The following RTN4RL1 variants were observed in gnomAD, a reference collection of about 807,000 sequenced individuals.
RTN4RL1 encodes the protein reticulon-4 receptor-like 1.
RTN4RL1 carries 7 observed loss-of-function variants against 25.6 expected under a neutral mutation model. The ratio of observed to expected loss-of-function variants is 0.27; its 90% CI spans 0.16 to 0.51. The LOEUF is 0.51. RTN4RL1 is among the 20% of genes least tolerant of loss of function. RTN4RL1 has a pLI of 0.97. For missense variants in RTN4RL1, 500 were observed against 615.6 expected, an observed-to-expected ratio of 0.81 and a Z score of 1.99; for synonymous variants, 297 against 288.2, an observed-to-expected ratio of 1.03 and a Z score of -0.31.
intron 1 of RTN4RL1, among the ~76,000 whole-genome samples, chr17:2,007,579 A>G (rs931104370): frequency 3.3e-5 from 5 of 152,116 alleles, no homozygotes; most frequent in African/African-American, 7.2e-5. Flanking sequence ...TGGCTGTGGC[A>G]TGGTCTCTAA....
At chr17:1,980,202 T>C (rs2066861298) in intron 1 of RTN4RL1, among the ~76,000 whole-genome samples, 1 of 147,038 alleles carries the variant, frequency 6.8e-6, no homozygotes, top group South Asian at 2.1e-4. Flanking sequence ...TAGCTGGGAC[T>C]ACAAGCTCGT....
chr17:2,010,414 T>C (rs911206425), intron 1 of RTN4RL1, among the ~76,000 whole-genome samples: 4 of 152,232 alleles, frequency 2.6e-5, no homozygotes, highest in East Asian at 3.9e-4. Context: ...GAGACGGAGA[T>C]TGCAGTGAGC....
At chr17:1,983,555 C>T (rs191866894) in intron 1 of RTN4RL1, among the ~76,000 whole-genome samples, 4 of 152,126 alleles carry the variant, frequency 2.6e-5, no homozygotes, top group South Asian at 2.1e-4. Context: ...CACAGCACCA[C>T]GCCTGGCTAA....
intron 1 of RTN4RL1, among the ~76,000 whole-genome samples, chr17:2,010,340 G>A (rs961651228): frequency 7.9e-5 from 12 of 152,042 alleles, no homozygotes; most frequent in Non-Finnish European, 1.2e-4. Context: ...AGCCAGGCAC[G>A]ATGGCAGGCG....
At chr17:1,992,220 C>T (rs1369113500) in intron 1 of RTN4RL1, among the ~76,000 whole-genome samples, 2 of 151,884 alleles carry the variant, frequency 1.3e-5, no homozygotes, top group African/African-American at 2.4e-5. Context: ...AAAAATTAGC[C>T]GGGCGTGGTG....
intron 1 of RTN4RL1, among the ~76,000 whole-genome samples, chr17:1,955,010 GA>G (rs1262709219): frequency 7.2e-5 from 11 of 152,100 alleles, no homozygotes; most frequent in Non-Finnish European, 1.2e-4. Context: ...CTGGCTGCTT[GA>G]GATGCCTGCA....
At chr17:2,000,066 G>C (rs989855296) in intron 1 of RTN4RL1, among the ~76,000 whole-genome samples, 1 of 152,280 alleles carries the variant, frequency 6.6e-6, no homozygotes, top group Non-Finnish European at 1.5e-5. Context: ...CCAGCACAGA[G>C]GGAGGGAAGC....
intron 1 of RTN4RL1, among the ~76,000 whole-genome samples, chr17:1,971,932 A>C (rs60436970): frequency 3.5e-5 from 5 of 144,114 alleles, no homozygotes; most frequent in African/African-American, 1.3e-4. Context: ...ACTGCACTCC[A>C]GCCTGGGCGA....
Position 1,936,912 on chromosome 17 carries a change from A to C in RTN4RL1, c.910T>G (p.Cys304Gly). ...KLLRAEDFRN[C>G]TGPASPHQIK... ...TGGTGCGGGGACGCTGGTCCCGTGC[A>C]GTTCCGGAAGTCCTCGGCCCTCAGC... Residue 304 changes from cysteine (C) to glycine (G), a missense_variant, in exon 2 of 2, where the codon TGC becomes GGC. Around this residue, in one of 2 missense-constraint regions of RTN4RL1, gnomAD observed 268 missense variants for 274.5 expected, o/e 0.98. Coordinates refer to ENST00000331238, the MANE Select transcript of RTN4RL1 (RefSeq NM_178568.4). 1 of 1,610,346 alleles carries C rather than the reference A, an allele frequency of 6.2e-7. No individual in the cohort carries two copies. Among genetic ancestry groups the C allele is most frequent in the South Asian group, 1.1e-5 (1 of 90,782 alleles).
chr17:1,991,803 T>C (rs1334590037), intron 1 of RTN4RL1, among the ~76,000 whole-genome samples: 2 of 152,192 alleles, frequency 1.3e-5, no homozygotes, highest in Non-Finnish European at 2.9e-5. Context: ...ACAAGTAGGT[T>C]GTTTCCAGTT....
chr17:1,956,573 A>C (rs1915798882), intron 1 of RTN4RL1, among the ~76,000 whole-genome samples: 2 of 152,172 alleles, frequency 1.3e-5, no homozygotes, highest in African/African-American at 4.8e-5. Flanking sequence ...ATCCCACTGC[A>C]TGGACAGACT....
At chr17:1,943,521 G>A (rs770434374) in intron 1 of RTN4RL1, among the ~76,000 whole-genome samples, 1 of 152,212 alleles carries the variant, frequency 6.6e-6, no homozygotes, top group Non-Finnish European at 1.5e-5. Context: ...TGGCTCTGCA[G>A]CCCTCCCTCT....
intron 1 of RTN4RL1, among the ~76,000 whole-genome samples, chr17:1,999,240 G>A (rs2066945101): frequency 6.6e-6 from 1 of 151,612 alleles, no homozygotes; most frequent in South Asian, 2.1e-4. Flanking sequence ...GAGATCAAGA[G>A]TTGGAGACCA....
At chr17:1,948,753 GGT>G (rs1009683139) in intron 1 of RTN4RL1, among the ~76,000 whole-genome samples, 4 of 152,046 alleles carry the variant, frequency 2.6e-5, no homozygotes, top group African/African-American at 9.6e-5. Context: ...GTCCAGGAGG[GGT>G]GTGAGGGGGA....
At chr17:1,939,223 C>A (rs190498261) in intron 1 of RTN4RL1, among the ~76,000 whole-genome samples, 12 of 149,674 alleles carry the variant, frequency 8.0e-5, no homozygotes, top group Non-Finnish European at 1.5e-4. Context: ...CGTGGTGGCG[C>A]GCACTTGTAG....
intron 1 of RTN4RL1, among the ~76,000 whole-genome samples, chr17:1,991,121 C>A (rs1298150448): frequency 2.0e-5 from 3 of 152,340 alleles, no homozygotes; most frequent in Non-Finnish European, 2.9e-5. Context: ...ATTTATCGAG[C>A]ATCTCAGTGC....
At chr17:2,018,318 T>C (rs1435982735) in intron 1 of RTN4RL1, among the ~76,000 whole-genome samples, 1 of 152,188 alleles carries the variant, frequency 6.6e-6, no homozygotes, top group Non-Finnish European at 1.5e-5. Context: ...GGAGGGTTCC[T>C]GGCCCACTGT....
chr17:1,962,515 C>CCATGTTG (rs2066769422), intron 1 of RTN4RL1, among the ~76,000 whole-genome samples: 1 of 151,892 alleles, frequency 6.6e-6, no homozygotes, highest in Non-Finnish European at 1.5e-5. Context: ...CTCGCCATCA[C>CCATGTTG]GCCTGGTGTA....
chr17:2,017,058 C>T (rs1294796634), intron 1 of RTN4RL1, among the ~76,000 whole-genome samples: 1 of 152,216 alleles, frequency 6.6e-6, no homozygotes, highest in Non-Finnish European at 1.5e-5. Flanking sequence ...ATCCTATCGC[C>T]GTATAAATAA....
Sources: allele counts gnomAD v4.1 joint callset (sites outside exome capture counted in the v4.1 genomes callset), GRCh38; gene constraint gnomAD v4.1.1; regional missense constraint gnomAD v4.1.1; transcripts MANE v1.5; gene names NCBI Gene and HGNC (gene_info 2026-07-23, HGNC 2026-07-21).